Variants in GRIN2B observed in about 807,000 individuals in gnomAD.
GRIN2B encodes glutamate receptor ionotropic, NMDA 2B.
Under a neutral mutation model 114.5 loss-of-function variants are expected in GRIN2B, and 5 were observed. That is an observed-to-expected ratio of 0.04 (90% CI 0.02 to 0.09). The LOEUF (loss-of-function observed/expected upper bound fraction) is 0.09. Among genes scored for constraint, GRIN2B ranks in the 10% least tolerant of loss-of-function variants. GRIN2B has a pLI of 1.00. For missense variants in GRIN2B, 1,108 were observed against 1,943.5 expected, an observed-to-expected ratio of 0.57 and a Z score of 8.08; for synonymous variants, 787 against 745.1, an observed-to-expected ratio of 1.06 and a Z score of -0.92.
At chr12:13,707,717 G>A (rs1443993202) in intron 4 of GRIN2B, among the ~76,000 whole-genome samples, 1 of 151,732 alleles carries the variant, frequency 6.6e-6, no homozygotes, top group African/African-American at 2.4e-5. Context: ...AGAATGTGCA[G>A]ATATACAAAA....
At chr12:13,699,630 C>G (rs1950292382) in intron 4 of GRIN2B, among the ~76,000 whole-genome samples, 1 of 151,626 alleles carries the variant, frequency 6.6e-6, no homozygotes, top group Non-Finnish European at 1.5e-5. Flanking sequence ...GCTCTGTTGC[C>G]AGGCCGGAGT....
At chr12:13,846,122 G>A (rs896140207) in intron 3 of GRIN2B, among the ~76,000 whole-genome samples, 4 of 152,140 alleles carry the variant, frequency 2.6e-5, no homozygotes, top group Admixed American at 6.5e-5. Flanking sequence ...GAAAGATTAA[G>A]GGACTTGCCC....
At chr12:13,969,212 C>T (rs1867837752) in intron 2 of GRIN2B, among the ~76,000 whole-genome samples, 1 of 152,214 alleles carries the variant, frequency 6.6e-6, no homozygotes, top group Non-Finnish European at 1.5e-5. Flanking sequence ...TTGCCTTTTA[C>T]CAACAGCAAA....
intron 4 of GRIN2B, among the ~76,000 whole-genome samples, chr12:13,697,320 C>T (rs954297269): frequency 6.6e-6 from 1 of 152,074 alleles, no homozygotes; most frequent in Admixed American, 6.6e-5. Context: ...GAAAAAAAAA[C>T]AGAACAGTCT....
rs531130606 is a variant in GRIN2B, at chr12:13,709,695, T to C, written c.1011-33836A>G. Reference sequence around the variant, plus strand: ...CTACCTCTGAGCTTCTAAATTCTAATAACCACAACCCCAGCTCTAAAACGA... The same window carrying C: ...CTACCTCTGAGCTTCTAAATTCTAACAACCACAACCCCAGCTCTAAAACGA... On this transcript the variant is annotated intron_variant, in intron 4 of 13. Coordinates refer to ENST00000609686, the MANE Select transcript of GRIN2B (RefSeq NM_000834.5). Among the ~76,000 whole-genome samples, 9 of 152,084 alleles carry C rather than the reference T, an allele frequency of 5.9e-5. No individual in the cohort carries two copies. In the South Asian group the frequency reaches 1.7e-3, roughly 28 times the overall value.
Position 13,616,464 on chromosome 12 carries a change from A to G in GRIN2B, c.1319T>C (p.Ile440Thr), listed in dbSNP as rs754574095. The G allele has an allele frequency of 1.2e-6, 2 of 1,612,596 alleles. No homozygotes were observed. The highest frequency in any genetic ancestry group is 1.3e-5 in the African/African-American group (1 of 74,902). ...TGAGAGGATGCCATACTCAGTGACTATGCGTTTTTGGCAGGGGACTGTGTT... is the reference window on the plus strand; with the variant it reads ...TGAGAGGATGCCATACTCAGTGACTGTGCGTTTTTGGCAGGGGACTGTGTT... ...MRNTVPCQKRIVTENKTDEEP... is the reference protein window; with the variant it reads ...MRNTVPCQKRTVTENKTDEEP... Residue 440 changes from isoleucine to threonine, a missense_variant, in exon 6 of 14, where the codon ATA (isoleucine) becomes ACA (threonine). By Grantham distance (89) the Ile-to-Thr change is moderately conservative (BLOSUM62 -1). Around this residue, in one of 19 missense-constraint regions of GRIN2B, gnomAD observed 26 missense variants for 23.5 expected, o/e 1.11. Transcript: ENST00000609686.
intron 4 of GRIN2B, among the ~76,000 whole-genome samples, chr12:13,703,749 C>T (rs979746332): frequency 6.6e-6 from 1 of 152,094 alleles, no homozygotes; most frequent in Non-Finnish European, 1.5e-5. Flanking sequence ...GTGCAATAAA[C>T]CTTTTCCTTA....
intron 2 of GRIN2B, among the ~76,000 whole-genome samples, chr12:13,867,220 G>A (rs1865842500): frequency 6.6e-6 from 1 of 151,964 alleles, no homozygotes; most frequent in Non-Finnish European, 1.5e-5. Flanking sequence ...TCCCTAAAAT[G>A]ACTGATACCG....
At chr12:13,708,956 A>T (rs1167201466) in intron 4 of GRIN2B, among the ~76,000 whole-genome samples, 1 of 152,100 alleles carries the variant, frequency 6.6e-6, no homozygotes, top group African/African-American at 2.4e-5. Context: ...ATAGATAATA[A>T]ATGAGAAACC....
At chr12:13,635,509 T>G (rs1181903785) in intron 5 of GRIN2B, among the ~76,000 whole-genome samples, 1 of 152,138 alleles carries the variant, frequency 6.6e-6, no homozygotes, top group Non-Finnish European at 1.5e-5. Flanking sequence ...CCCTGCTGCT[T>G]TGCAATGAAG....
intron 2 of GRIN2B, among the ~76,000 whole-genome samples, chr12:13,953,497 T>C (rs1181516094): frequency 6.6e-6 from 1 of 152,196 alleles, no homozygotes; most frequent in Non-Finnish European, 1.5e-5. Flanking sequence ...CTGCTCTTTA[T>C]TGCAGAGAGC....
intron 2 of GRIN2B, among the ~76,000 whole-genome samples, chr12:13,883,899 G>T (rs753891246): frequency 1.3e-5 from 2 of 152,022 alleles, no homozygotes; most frequent in Non-Finnish European, 1.5e-5. Context: ...TCCTCTAAAA[G>T]ATTTTTAATT....
chr12:13,650,411 T>C (rs539872361), intron 5 of GRIN2B, among the ~76,000 whole-genome samples: 1 of 152,122 alleles, frequency 6.6e-6, no homozygotes, highest in South Asian at 2.1e-4. Flanking sequence ...GTAGGGACCT[T>C]CTCTCACTCA....
chr12:13,934,405 G>C (rs547759651), intron 2 of GRIN2B, among the ~76,000 whole-genome samples: 1 of 152,148 alleles, frequency 6.6e-6, no homozygotes, highest in African/African-American at 2.4e-5. Context: ...CACAAAATTC[G>C]TTAATGGTGG....
chr12:13,941,271 A>G (rs1204631907), intron 2 of GRIN2B, among the ~76,000 whole-genome samples: 1 of 152,162 alleles, frequency 6.6e-6, no homozygotes, highest in Non-Finnish European at 1.5e-5. Flanking sequence ...TCCCACATTG[A>G]ACCTGGTCAA....
intron 5 of GRIN2B, among the ~76,000 whole-genome samples, chr12:13,619,435 G>A (rs1290143568): frequency 6.6e-6 from 1 of 152,164 alleles, no homozygotes; most frequent in African/African-American, 2.4e-5. Flanking sequence ...ACCACAGCTG[G>A]AAAACTGGGT....
At chr12:13,690,285 CCA>C (rs72073823) in intron 4 of GRIN2B, among the ~76,000 whole-genome samples, 25,393 of 144,614 alleles carry the variant, frequency 0.18, 2,839 homozygotes, top group African/African-American at 0.34. Flanking sequence ...CTATGTCACA[CCA>C]CACACACACA....
In GRIN2B at chr12:13,865,894, C is replaced by G. The variant is rs777243423; in HGVS notation, c.315G>C (p.Gln105His). The change falls in exon 3 of 14, where the codon CAG becomes CAC. Residue 105 changes from glutamine (Q) to histidine (H), a missense_variant. Physicochemically the swap from Gln to His is conservative, Grantham distance 24. Transcript: ENST00000609686. ...QGVVFADDTD[Q>H]EAIAQILDFI... ...AATCGAGGATCTGGGCGATGGCTTC[C>G]TGGTCTGTGTCATCAGCAAACACCA... The G allele has an allele frequency of 6.2e-7, 1 of 1,613,982 alleles. No homozygotes were observed. The highest frequency in any genetic ancestry group is 8.5e-7 in the Non-Finnish European group (1 of 1,179,970).
intron 3 of GRIN2B, among the ~76,000 whole-genome samples, chr12:13,772,150 CA>C (rs1462849170): frequency 6.6e-6 from 1 of 152,196 alleles, no homozygotes; most frequent in African/African-American, 2.4e-5. Context: ...TCACGTTCTT[CA>C]GCTATTATTC....
Sources: allele counts gnomAD v4.1 joint callset (sites outside exome capture counted in the v4.1 genomes callset), GRCh38; gene constraint gnomAD v4.1.1; regional missense constraint gnomAD v4.1.1; transcripts MANE v1.5; gene names NCBI Gene and HGNC (gene_info 2026-07-23, HGNC 2026-07-21).